The following AXDND1 variants were observed in gnomAD, a reference collection of about 807,000 sequenced individuals.
AXDND1 encodes axonemal dynein light chain domain containing 1.
AXDND1 carries 110 observed loss-of-function variants against 137.5 expected under a neutral mutation model. The observed-to-expected ratio is 0.80, with a 90% confidence interval of 0.69 to 0.94. AXDND1 has a LOEUF of 0.94. Among genes scored for constraint, AXDND1 ranks in the 40% least tolerant of loss-of-function variants. The pLI is 0.00. For synonymous variants in AXDND1, 414 were observed against 399.7 expected, an observed-to-expected ratio of 1.04 and a Z score of -0.43; for missense variants, 1,191 against 1,169.8, an observed-to-expected ratio of 1.02 and a Z score of -0.26.
chr1:179,489,819 C>T (rs1371190608), intron 18 of AXDND1, among the ~76,000 whole-genome samples: 1 of 146,746 alleles, frequency 6.8e-6, no homozygotes, highest in Non-Finnish European at 1.5e-5. Context: ...CGTCTCGGCT[C>T]ACTGCAAGCT....
chr1:179,468,481 G>T lies in AXDND1; in HGVS notation c.1837G>T (p.Asp613Tyr). The T allele has an allele frequency of 6.2e-7, 1 of 1,612,478 alleles. No homozygotes were observed. ...TCTTCCAAGTTTGATTAGTTCTCTT[G>T]ACTTCTGTTCTTTCAAGTTGGAAAA... is the stretch of plus-strand genomic sequence containing the variant. Reference protein sequence around the residue: ...KILPSLISSLDFCSFKLENLE... With the variant: ...KILPSLISSLYFCSFKLENLE... The change falls in exon 17 of 26, where the codon GAC (aspartate) becomes TAC (tyrosine). Residue 613 changes from aspartate (D) to tyrosine (Y), a missense_variant. Asp to Tyr is a radical substitution (Grantham distance 160). Transcript: ENST00000367618.
At chr1:179,385,482 A>T in intron 9 of AXDND1, 123 bp downstream of exon 9, 4 of 1,132,828 alleles carry the variant, frequency 3.5e-6, no homozygotes, top group Non-Finnish European at 3.9e-6. Context: ...TAAGTAATCT[A>T]ACTGCATTTT....
At chr1:179,509,831 A>G (rs1216147278) in intron 21 of AXDND1, among the ~76,000 whole-genome samples, 3 of 134,844 alleles carry the variant, frequency 2.2e-5, no homozygotes, top group Non-Finnish European at 5.1e-5. Flanking sequence ...GTTCCATTTT[A>G]TCAATCTAAA....
chr1:179,455,593 C>CAAAAAAAAAAAA (rs57868830), intron 16 of AXDND1: 1 of 83,876 alleles, frequency 1.2e-5, no homozygotes, highest in African/African-American at 4.3e-5. Context: ...GACTCCGTCT[C>CAAAAAAAAAAAA]AAAAAAAAAA....
chr1:179,399,031 G>A (rs557963603), intron 11 of AXDND1, among the ~76,000 whole-genome samples: 223 of 152,330 alleles, frequency 1.5e-3, no homozygotes, highest in Non-Finnish European at 2.6e-3. Context: ...CCTGGGGGAA[G>A]CTGCAGTATT....
At chr1:179,488,738 CTT>C (rs1161212924) in intron 18 of AXDND1, among the ~76,000 whole-genome samples, 3 of 114,978 alleles carry the variant, frequency 2.6e-5, no homozygotes, top group East Asian at 2.1e-4. Flanking sequence ...CTCTCTCTCT[CTT>C]TCTTTTTTTT....
At chr1:179,477,854 T>G (rs1180614641) in intron 17 of AXDND1, among the ~76,000 whole-genome samples, 1 of 152,084 alleles carries the variant, frequency 6.6e-6, no homozygotes, top group Non-Finnish European at 1.5e-5. Context: ...CAAAAGCAAG[T>G]TAGTTACTTC....
At chr1:179,448,861 T>A (rs988223169) in intron 16 of AXDND1, 1 of 169,048 alleles carries the variant, frequency 5.9e-6, no homozygotes, top group Non-Finnish European at 1.3e-5. Flanking sequence ...TTTGCTCTTA[T>A]ATAATGGTAT....
chr1:179,497,215 T>C (rs1447979477), intron 20 of AXDND1, among the ~76,000 whole-genome samples: 2 of 152,170 alleles, frequency 1.3e-5, no homozygotes. Context: ...AAGTGTCCTA[T>C]ATCCTTGTTG....
At chr1:179,542,191 G>A (rs1672235114) in intron 25 of AXDND1, among the ~76,000 whole-genome samples, 1 of 152,164 alleles carries the variant, frequency 6.6e-6, no homozygotes, top group African/African-American at 2.4e-5. Context: ...ATGCCCACAA[G>A]CAGTTCTCAA....
intron 12 of AXDND1, among the ~76,000 whole-genome samples, chr1:179,423,729 C>T (rs1330697326): frequency 6.6e-6 from 1 of 152,046 alleles, no homozygotes; most frequent in African/African-American, 2.4e-5. Flanking sequence ...AAAAAATACG[C>T]TTTAACTCTA....
At chr1:179,376,713 A>G (rs900353169) in intron 4 of AXDND1, among the ~76,000 whole-genome samples, 5 of 152,128 alleles carry the variant, frequency 3.3e-5, no homozygotes, top group African/African-American at 9.7e-5. Flanking sequence ...ATGTCTTTAT[A>G]TTATACTTTT....
At chr1:179,441,158 G>C (rs963921477) in intron 15 of AXDND1, among the ~76,000 whole-genome samples, 5 of 152,170 alleles carry the variant, frequency 3.3e-5, no homozygotes, top group Admixed American at 6.5e-5. Context: ...CCCGGCAGGA[G>C]AGTGCCATTC....
Position 179,430,667 on chromosome 1 carries a change from C to T in AXDND1, c.1487+61C>T, listed in dbSNP as rs186256468. ...TTATGTCTGATAACTCAGTCAAATTCTCTGTGTTCCTCCTTCTGTCTTTTA... is the reference window on the plus strand; with the variant it reads ...TTATGTCTGATAACTCAGTCAAATTTTCTGTGTTCCTCCTTCTGTCTTTTA... On this transcript the variant is annotated intron_variant, in intron 14 of 25. Coordinates refer to ENST00000367618, the MANE Select transcript of AXDND1 (RefSeq NM_144696.6). The T allele has an allele frequency of 5.9e-4, 896 of 1,506,754 alleles. 5 individuals carry two copies. In the African/African-American group the frequency reaches 0.012, roughly 19 times the overall value. 93.3% of individuals were successfully genotyped at this position (1,506,754 alleles called of 1,614,324 possible). A position where few individuals can be genotyped will look rare whatever the true frequency, so the allele number is the denominator to read the frequency against.
At chr1:179,367,182 T>C (rs558559188) in intron 2 of AXDND1, among the ~76,000 whole-genome samples, 6 of 147,110 alleles carry the variant, frequency 4.1e-5, no homozygotes, top group African/African-American at 1.5e-4. Flanking sequence ...GATCGAGCCA[T>C]TGCATTCCAG....
intron 25 of AXDND1, among the ~76,000 whole-genome samples, chr1:179,549,992 C>T (rs190001464): frequency 6.6e-6 from 1 of 152,222 alleles, no homozygotes; most frequent in Admixed American, 6.5e-5. Flanking sequence ...TGACACCATA[C>T]TCCTGGGTCT....
chr1:179,549,708 G>C (rs1673017706), intron 25 of AXDND1, among the ~76,000 whole-genome samples: 1 of 152,098 alleles, frequency 6.6e-6, no homozygotes, highest in Non-Finnish European at 1.5e-5. Context: ...GGTGTGAAAA[G>C]TGACCAACAA....
At chr1:179,489,685 C>T (rs1478497681) in intron 18 of AXDND1, among the ~76,000 whole-genome samples, 1 of 151,696 alleles carries the variant, frequency 6.6e-6, no homozygotes, top group Admixed American at 6.6e-5. Flanking sequence ...AACAACCTTC[C>T]TGTCTGAATC....
intron 4 of AXDND1, among the ~76,000 whole-genome samples, chr1:179,372,765 C>A (rs989192626): frequency 5.3e-5 from 8 of 152,188 alleles, no homozygotes; most frequent in South Asian, 2.1e-4. Context: ...CTCACCACAA[C>A]CTCTGCCTCC....
Sources: gnomAD v4.1 joint callset for allele counts (sites outside exome capture counted in the v4.1 genomes callset) on GRCh38, gnomAD v4.1.1 for gene constraint, MANE v1.5 for transcripts, NCBI Gene and HGNC (gene_info 2026-07-23, HGNC 2026-07-21) for gene names.